MXRA7: variants seen among roughly 807,000 people sequenced by gnomAD.
MXRA7 encodes matrix remodeling associated 7.
MXRA7 carries 18 observed loss-of-function variants against 17.4 expected under a neutral mutation model. The observed-to-expected ratio is 1.03, with a 90% CI of 0.71 to 1.53. The LOEUF (loss-of-function observed/expected upper bound fraction) is 1.53. Among genes scored for constraint, MXRA7 ranks in the 40% most tolerant of loss-of-function variants. The pLI is 0.00. For missense variants in MXRA7, 141 were observed against 209.3 expected, an observed-to-expected ratio of 0.67 and a Z score of 2.01; for synonymous variants, 70 against 101.7, an observed-to-expected ratio of 0.69 and a Z score of 1.87.
downstream of MXRA7, chr17:76,677,826 G>C (rs1026195591): frequency 3.2e-5 from 21 of 658,620 alleles, no homozygotes; most frequent in African/African-American, 5.4e-5. Flanking sequence ...TTGCTTTTCA[G>C]AACAAGAAGA....
intron 1 of MXRA7, among the ~76,000 whole-genome samples, chr17:76,694,246 C>T (rs2076508870): frequency 6.6e-6 from 1 of 152,088 alleles, no homozygotes; most frequent in Non-Finnish European, 1.5e-5. Flanking sequence ...GCCATTCCAC[C>T]CTGCCTTTCC....
chr17:76,702,981 A>T (rs903500786), intron 1 of MXRA7, among the ~76,000 whole-genome samples: 2 of 151,006 alleles, frequency 1.3e-5, no homozygotes, highest in South Asian at 4.2e-4. Flanking sequence ...CTCCAGCAGA[A>T]CACCACTGGG....
intron 1 of MXRA7, among the ~76,000 whole-genome samples, chr17:76,702,331 G>T (rs1449711187): frequency 6.6e-6 from 1 of 152,064 alleles, no homozygotes; most frequent in Non-Finnish European, 1.5e-5. Flanking sequence ...AACATAGCAA[G>T]ACACCATCTC....
downstream of MXRA7, chr17:76,679,526 G>C (rs1238112432): frequency 1.1e-6 from 1 of 874,096 alleles, no homozygotes; most frequent in Admixed American, 6.2e-5. Context: ...GTTCAAAAGG[G>C]ATTTTGTTTT....
At chr17:76,689,342 C>T (rs2076450579) in intron 1 of MXRA7, 1 of 152,320 alleles carries the variant, frequency 6.6e-6, no homozygotes, top group Non-Finnish European at 1.5e-5. Flanking sequence ...ATCCGCCTGC[C>T]TCGGCCTCCC....
At chr17:76,705,725 T>G (rs1396025645) in intron 1 of MXRA7, among the ~76,000 whole-genome samples, 1 of 152,196 alleles carries the variant, frequency 6.6e-6, no homozygotes, top group Non-Finnish European at 1.5e-5. Flanking sequence ...GGTGGCTGTC[T>G]GCAGGCCAAA....
intron 1 of MXRA7, among the ~76,000 whole-genome samples, chr17:76,693,475 CAAAAAAAA>C (rs59677254): frequency 5.1e-5 from 5 of 98,636 alleles, no homozygotes; most frequent in African/African-American, 1.8e-4. Flanking sequence ...AGATCTGTCT[CAAAAAAAA>C]AAAAAAAAAA....
At chr17:76,699,657 G>T (rs991425861) in intron 1 of MXRA7, among the ~76,000 whole-genome samples, 1 of 152,158 alleles carries the variant, frequency 6.6e-6, no homozygotes. Context: ...TAGGGGTGGT[G>T]GGCTGGGACT....
intron 1 of MXRA7, among the ~76,000 whole-genome samples, chr17:76,700,208 G>A (rs929558026): frequency 6.6e-6 from 1 of 152,194 alleles, no homozygotes; most frequent in African/African-American, 2.4e-5. Context: ...CTGACCTCAG[G>A]TGATCTGCTC....
chr17:76,692,661 A>T (rs2076490143), intron 1 of MXRA7, among the ~76,000 whole-genome samples: 1 of 145,238 alleles, frequency 6.9e-6, no homozygotes, highest in African/African-American at 2.4e-5. Context: ...TGGGCGACCA[A>T]AGTCTTGGTG....
At chr17:76,704,026 C>G (rs1055902052) in intron 1 of MXRA7, among the ~76,000 whole-genome samples, 46 of 150,006 alleles carry the variant, frequency 3.1e-4, no homozygotes, top group Admixed American at 6.7e-5. Context: ...TCACTTGAAC[C>G]CGGGAGGCGG....
At chr17:76,674,685 A>G (rs2410997), downstream of MXRA7, 131,879 of 152,286 alleles carry the variant, frequency 0.87, 57,684 homozygotes, top group East Asian at 0.93. Context: ...CCAGATGGCC[A>G]TGTATTCAGG....
intron 1 of MXRA7, among the ~76,000 whole-genome samples, chr17:76,697,243 C>T (rs891402044): frequency 1.2e-4 from 19 of 152,128 alleles, no homozygotes; most frequent in African/African-American, 4.6e-4. Context: ...GTTGTGAGTG[C>T]ACAGAGGAAA....
chr17:76,677,565 G>T (rs754478247), downstream of MXRA7: 1 of 1,545,738 alleles, frequency 6.5e-7, no homozygotes, highest in South Asian at 1.1e-5. Context: ...AGGCATGGCC[G>T]CTGTGCATCC....
At chr17:76,700,710 G>C (rs117676357) in intron 1 of MXRA7, among the ~76,000 whole-genome samples, 49 of 152,378 alleles carry the variant, frequency 3.2e-4, no homozygotes, top group East Asian at 5.8e-4. Flanking sequence ...CTCCGGAACA[G>C]GCGTTCCACT....
intron 1 of MXRA7, chr17:76,689,528 T>C (rs1384042859): frequency 6.6e-6 from 1 of 152,184 alleles, no homozygotes; most frequent in East Asian, 1.9e-4. Flanking sequence ...TGTCCTGACG[T>C]TTCCCAAATT....
chr17:76,679,536 TA>T (rs1412471512), downstream of MXRA7: 22 of 946,314 alleles, frequency 2.3e-5, no homozygotes, highest in Non-Finnish European at 2.6e-5. Context: ...GATTTTGTTT[TA>T]AAACAAAGCA....
At chr17:76,677,710 GAAGA>G (rs778090510), downstream of MXRA7, 2 of 1,605,070 alleles carry the variant, frequency 1.2e-6, no homozygotes, top group East Asian at 2.2e-5. Flanking sequence ...ACTCTGTCGA[GAAGA>G]AAGGACAAAG....
At chr17:76,693,753 A>T (rs1287905845) in intron 1 of MXRA7, among the ~76,000 whole-genome samples, 1 of 152,078 alleles carries the variant, frequency 6.6e-6, no homozygotes, top group Admixed American at 6.6e-5. Flanking sequence ...AGGTGGGAGG[A>T]TCACTTGAGC....
Sources: allele counts gnomAD v4.1 joint callset (sites outside exome capture counted in the v4.1 genomes callset), GRCh38; gene constraint gnomAD v4.1.1; transcripts MANE v1.5; gene names NCBI Gene and HGNC (gene_info 2026-07-23, HGNC 2026-07-21).